The following PSME4 variants were observed in gnomAD, a reference collection of about 807,000 sequenced individuals.
The protein encoded by PSME4 is proteasome activator subunit 4.
Under a neutral mutation model 253.9 loss-of-function variants are expected in PSME4, and 89 were observed. The ratio of observed to expected loss-of-function variants is 0.35; its 90% CI spans 0.30 to 0.42. The LOEUF is 0.42. Ranked by LOEUF, PSME4 falls within the 10% of genes least tolerant of loss-of-function variation. The pLI is 1.00. For synonymous variants in PSME4, 851 were observed against 759.2 expected (o/e 1.12, Z -1.99); for missense variants, 2,014 against 2,195.2 (o/e 0.92, Z 1.65).
At chr2:53,953,209 C>T (rs1400272904) in intron 1 of PSME4, among the ~76,000 whole-genome samples, 2 of 151,930 alleles carry the variant, frequency 1.3e-5, no homozygotes, top group African/African-American at 2.4e-5. Flanking sequence ...AAAGTTCTAA[C>T]TATAAAAAGA....
At chr2:53,925,733 G>A (rs768135677) in intron 13 of PSME4, 44 bp from the exon 14 acceptor site, 3 of 1,570,476 alleles carry the variant, frequency 1.9e-6, no homozygotes, top group South Asian at 1.1e-5. Flanking sequence ...CTAAAATCTG[G>A]TTTGACATTT....
In PSME4 at chr2:53,903,940, A is replaced by T. The variant is rs768418678; in HGVS notation, c.3075+85T>A. ...AAATACAGAATCTCAGTGGTGAAGA[A>T]GATATGGATGTTTACCGTAGAATTT... On this transcript the variant is annotated intron_variant, in intron 27 of 46. Transcript: ENST00000404125. 12 of 1,089,102 alleles carry T rather than the reference A, an allele frequency of 1.1e-5. No homozygotes were observed. In the Middle Eastern group the frequency reaches 1.9e-3, roughly 171 times the overall value. The allele number at this position is 1,089,102 out of a possible 1,614,324, so 67.5% of individuals were successfully genotyped here. A position where few individuals can be genotyped will look rare whatever the true frequency, so the allele number is the denominator to read the frequency against.
At chr2:53,935,934 C>G (rs943949678) in intron 7 of PSME4, among the ~76,000 whole-genome samples, 153 bp downstream of exon 7, 9 of 151,636 alleles carry the variant, frequency 5.9e-5, no homozygotes, top group African/African-American at 2.2e-4. Context: ...AGCTCTGTCA[C>G]CCAGGCTGGA....
At chr2:53,901,317 C>G in intron 28 of PSME4, 33 bp downstream of exon 28, 1 of 1,558,538 alleles carries the variant, frequency 6.4e-7, no homozygotes, top group Non-Finnish European at 8.8e-7. Context: ...AGGATTTACA[C>G]TAAAACTTGA....
At chr2:53,931,105 C>T (rs558669630) in intron 10 of PSME4, among the ~76,000 whole-genome samples, 25 of 152,256 alleles carry the variant, frequency 1.6e-4, no homozygotes, top group African/African-American at 6.0e-4. Context: ...TGGTGAAACG[C>T]CGTCTCTACT....
chr2:53,967,676 A>AAAAAAAAAAAAC, intron 1 of PSME4, among the ~76,000 whole-genome samples: 1 of 148,926 alleles, frequency 6.7e-6, no homozygotes, highest in Non-Finnish European at 1.5e-5. Flanking sequence ...AAAAAAAAAA[A>AAAAAAAAAAAAC]AAAGTCAAAA....
chr2:53,956,967 T>C (rs1431449101), intron 1 of PSME4, among the ~76,000 whole-genome samples: 1 of 152,176 alleles, frequency 6.6e-6, no homozygotes, highest in East Asian at 1.9e-4. Flanking sequence ...TAATTGCAAC[T>C]GATATGTTTA....
chr2:53,929,798 G>A (rs1443897702), intron 10 of PSME4, among the ~76,000 whole-genome samples: 1 of 152,144 alleles, frequency 6.6e-6, no homozygotes, highest in South Asian at 2.1e-4. Flanking sequence ...CAGGCGGACT[G>A]CTTGAGGTCA....
intron 40 of PSME4, among the ~76,000 whole-genome samples, chr2:53,886,890 A>G (rs992758794): frequency 3.3e-5 from 5 of 152,222 alleles, no homozygotes; most frequent in African/African-American, 1.2e-4. Context: ...ACTATGTAAC[A>G]TGAAATAAGC....
At chr2:53,894,602 T>C (rs879609625) in intron 34 of PSME4, among the ~76,000 whole-genome samples, 36 of 152,346 alleles carry the variant, frequency 2.4e-4, no homozygotes, top group Admixed American at 4.6e-4. Flanking sequence ...GTAAATTAAA[T>C]GAAGTTTAAG....
chr2:53,929,568 T>C (rs1269459368), intron 10 of PSME4, among the ~76,000 whole-genome samples: 1 of 151,804 alleles, frequency 6.6e-6, no homozygotes, highest in Non-Finnish European at 1.5e-5. Context: ...GTCCTGGGAC[T>C]ACAGGCATAA....
chr2:53,902,138 A>T (rs1307964510), intron 27 of PSME4, among the ~76,000 whole-genome samples: 2 of 152,224 alleles, frequency 1.3e-5, no homozygotes, highest in African/African-American at 2.4e-5. Flanking sequence ...GGATGTTTCT[A>T]AGAACATATA....
At chr2:53,914,504 G>A (rs766423737) in intron 20 of PSME4, among the ~76,000 whole-genome samples, 16 of 152,050 alleles carry the variant, frequency 1.1e-4, no homozygotes, top group Non-Finnish European at 2.2e-4. Context: ...TCAATAGTAC[G>A]AAATAAGAAA....
intron 20 of PSME4, among the ~76,000 whole-genome samples, chr2:53,912,686 A>T (rs1426205089): frequency 6.6e-6 from 1 of 152,114 alleles, no homozygotes; most frequent in East Asian, 1.9e-4. Context: ...AGCTGGTCTC[A>T]AATCCCTGGC....
intron 1 of PSME4, among the ~76,000 whole-genome samples, chr2:53,966,577 G>A (rs573880067): frequency 6.6e-6 from 1 of 151,508 alleles, no homozygotes; most frequent in East Asian, 1.9e-4. Flanking sequence ...AAAAAAAAAA[G>A]ATAATAATGT....
At chr2:53,947,006 C>G (rs917740038) in intron 3 of PSME4, among the ~76,000 whole-genome samples, 1 of 152,206 alleles carries the variant, frequency 6.6e-6, no homozygotes, top group African/African-American at 2.4e-5. Flanking sequence ...ATGCACTATT[C>G]TATTTCGTGA....
intron 41 of PSME4, 32 bp downstream of exon 41, chr2:53,885,658 G>A: frequency 6.7e-7 from 1 of 1,500,262 alleles, no homozygotes; most frequent in Non-Finnish European, 9.3e-7. Context: ...AGGTCAAAAG[G>A]AGATGCATTC....
In PSME4 at chr2:53,936,684, T is replaced by A. The variant is rs1258772916; in HGVS notation, c.759+80A>T. 10 of 979,468 alleles carry A rather than the reference T, an allele frequency of 1.0e-5. No homozygotes were observed. In the African/African-American group the frequency reaches 1.8e-4, roughly 17 times the overall value. The allele number at this position is 979,468 out of a possible 1,614,324, so 60.7% of individuals were successfully genotyped here. The stretch of plus-strand genomic sequence containing the variant: ...TTACCAAATGATCTATTAATATTTA[T>A]CTCCAAATTAAAAAAGTATGGGGGG... On this transcript the variant is annotated intron_variant, in intron 6 of 46. Coordinates refer to ENST00000404125, the MANE Select transcript of PSME4 (RefSeq NM_014614.3).
chr2:53,890,822 G>C (rs1269711826), intron 36 of PSME4, among the ~76,000 whole-genome samples: 1 of 152,100 alleles, frequency 6.6e-6, no homozygotes, highest in African/African-American at 2.4e-5. Context: ...GAAATCAGGA[G>C]TTCAAGATCA....
Sources: gnomAD v4.1 joint callset for allele counts (sites outside exome capture counted in the v4.1 genomes callset) on GRCh38, gnomAD v4.1.1 for gene constraint, MANE v1.5 for transcripts, NCBI Gene and HGNC (gene_info 2026-07-23, HGNC 2026-07-21) for gene names.